The following TYK2 variants were observed in gnomAD, a reference collection of about 807,000 sequenced individuals.
TYK2 encodes non-receptor tyrosine-protein kinase TYK2.
A neutral mutation model predicts 130.9 loss-of-function variants in TYK2; 65 were observed. That is an observed-to-expected ratio of 0.50 (90% CI 0.41 to 0.61). The LOEUF (loss-of-function observed/expected upper bound fraction) is 0.61. TYK2 is among the 20% of genes least tolerant of loss of function. The pLI is 0.00. For missense variants in TYK2, 1,378 were observed against 1,610.7 expected (o/e 0.86, Z 2.47); for synonymous variants, 647 against 658.9 (o/e 0.98, Z 0.28).
rs753407156 is a variant in TYK2 at position 10,378,348 on chromosome 19, T to G, written c.59A>C (p.Gln20Pro). Reference sequence around the variant, plus strand: ...CAGGCCTCCCATGGCAGCCATGGGCTGGGCTCCATCCCCAACGGGCTTACT... The same window carrying G: ...CAGGCCTCCCATGGCAGCCATGGGCGGGGCTCCATCCCCAACGGGCTTACT... Reference protein sequence around the residue: ...RGSKPVGDGAQPMAAMGGLKV... With the variant: ...RGSKPVGDGAPPMAAMGGLKV... The change falls in exon 3 of 25, where the codon CAG (glutamine) becomes CCG (proline). Residue 20 changes from glutamine to proline, a missense_variant. Gln to Pro is a moderately conservative substitution (Grantham distance 76). Transcript: ENST00000525621. 5.0e-6 allele frequency: 8 copies of G among 1,612,426 alleles called. No individual in the cohort carries two copies. The East Asian group carries it at 1.8e-4, about 36-fold the overall frequency.
At position 10,353,453 on chromosome 19, in the gene TYK2, G is replaced by A; in HGVS notation, c.3027+75C>T. 1 of 1,064,592 alleles carries A rather than the reference G, an allele frequency of 9.4e-7. No homozygotes were observed. The highest frequency in any genetic ancestry group is 1.3e-6 in the Non-Finnish European group (1 of 758,968). The allele number at this position is 1,064,592 out of a possible 1,614,324, so 65.9% of individuals were successfully genotyped here. ...CAGGGGCGGAGCGTGAGAGCAGACTGCACCGGATCGCTCAGGCCAGCCCAA... is the reference window on the plus strand; with the variant it reads ...CAGGGGCGGAGCGTGAGAGCAGACTACACCGGATCGCTCAGGCCAGCCCAA... On this transcript the variant is annotated intron_variant, in intron 21 of 24. Transcript: ENST00000525621. This position sits in a 1 kb window ranked among gnomAD's most constrained non-coding sequence, Gnocchi z 6.9.
rs55762744 is a variant in TYK2 at position 10,378,250 on chromosome 19, C to T, written c.157G>A (p.Ala53Thr). 14,980 of 1,612,958 alleles carry T rather than the reference C, an allele frequency of 9.3e-3. 95 individuals are homozygous for T. The highest frequency in any genetic ancestry group is 0.012 in the Middle Eastern group (73 of 6,060). ...WVTFSESSLT[A>T]EEVCIHIAHK... is the part of the protein sequence containing the mutation. ...GCAATGTGGATGCAGACTTCCTCAG[C>T]TGTCAGCGATGACTCACTGAAAGTG... Residue 53 changes from alanine to threonine, a missense_variant, in exon 3 of 25, where the codon GCT becomes ACT. Transcript: ENST00000525621.
At chr19:10,359,502 AG>A (rs1379164034) in intron 14 of TYK2, among the ~76,000 whole-genome samples, 200 bp from the exon 15 acceptor site, 16 of 152,266 alleles carry the variant, frequency 1.1e-4, no homozygotes, top group African/African-American at 3.8e-4. Flanking sequence ...GCGGTGGATG[AG>A]GGCATTGGGG....
chr19:10,378,366 G>A lies in TYK2; in HGVS notation c.41C>T (p.Pro14Leu). 1 of 1,612,198 alleles carries A rather than the reference G, an allele frequency of 6.2e-7. No homozygotes were observed. Among genetic ancestry groups the A allele is most frequent in the South Asian group, 1.1e-5 (1 of 91,076 alleles). Residue 14 changes from proline to leucine, a missense_variant, in exon 3 of 25, where the codon CCC (proline) becomes CTC (leucine). Pro to Leu is a moderately conservative substitution (Grantham distance 98). Coordinates refer to ENST00000525621, the MANE Select transcript of TYK2 (RefSeq NM_003331.5). ...RHWGMARGSK[P>L]VGDGAQPMAA... is the part of the protein sequence containing the mutation. ...CATGGGCTGGGCTCCATCCCCAACG[G>A]GCTTACTGCCCCTGGCCATCCCCCA...
intron 18 of TYK2, 111 bp downstream of exon 18, chr19:10,356,457 G>T: frequency 7.2e-7 from 1 of 1,380,068 alleles, no homozygotes; most frequent in Non-Finnish European, 1.0e-6. Flanking sequence ...GCAAGAAATT[G>T]GCACACACCC....
intron 15 of TYK2, 75 bp downstream of exon 15, chr19:10,359,100 T>C (rs2041260217): frequency 1.9e-6 from 3 of 1,572,718 alleles, no homozygotes; most frequent in Non-Finnish European, 2.6e-6. Context: ...CTCGCCCTGT[T>C]GCCCAGGCTG....
At position 10,365,657 on chromosome 19, in the gene TYK2, A is replaced by G. The variant is rs373767400; in HGVS notation, c.871T>C (p.Cys291Arg). Residue 291 changes from cysteine to arginine, a missense_variant, in exon 7 of 25, where the codon TGC (cysteine) becomes CGC (arginine). Coordinates refer to ENST00000525621, the MANE Select transcript of TYK2 (RefSeq NM_003331.5). ...RLLAQAEGEPCYIRDSGVAPT... is the reference protein window; with the variant it reads ...RLLAQAEGEPRYIRDSGVAPT... Reference sequence around the variant, plus strand: ...GCCACCCCACTGTCCCGGATGTAGCAGGGCTCCCCCTCGGCCTGGGCCAGC... The same window carrying G: ...GCCACCCCACTGTCCCGGATGTAGCGGGGCTCCCCCTCGGCCTGGGCCAGC... 7 of 1,613,486 alleles carry G rather than the reference A, an allele frequency of 4.3e-6. No homozygotes were observed. The African/African-American group carries it at 9.3e-5, about 22-fold the overall frequency.
At chr19:10,358,182 C>G (rs1055639383) in intron 15 of TYK2, 44 bp from the exon 16 acceptor site, 2 of 1,566,412 alleles carry the variant, frequency 1.3e-6, no homozygotes, top group African/African-American at 1.4e-5. Flanking sequence ...AGGAGAGGCA[C>G]AGACGCCAAC....
In TYK2 at chr19:10,354,152, T is replaced by C. The variant is rs1259025854; in HGVS notation, c.2798A>G (p.Lys933Arg). 1 of 1,613,902 alleles carries C rather than the reference T, an allele frequency of 6.2e-7. No homozygotes were observed. Among genetic ancestry groups the C allele is most frequent in the Non-Finnish European group, 8.5e-7 (1 of 1,180,026 alleles). ...TGEMVAVKAL[K>R]ADCGPQHRSG... ...GCGGTGCTGGGGGCCGCAGTCTGCC[T>C]TGAGGGCTTTCACCGCCACCATCTC... Residue 933 changes from lysine (K) to arginine (R), a missense_variant, in exon 20 of 25, where the codon AAG becomes AGG. Physicochemically the swap from Lys to Arg is conservative, Grantham distance 26. Coordinates refer to ENST00000525621, the MANE Select transcript of TYK2 (RefSeq NM_003331.5).
In TYK2 at chr19:10,362,193, C is replaced by T. The variant is rs1421486314; in HGVS notation, c.1670-12G>A. On this transcript the variant is annotated splice_polypyrimidine_tract_variant and intron_variant, in intron 11 of 24. Coordinates refer to ENST00000525621, the MANE Select transcript of TYK2 (RefSeq NM_003331.5). Reference sequence around the variant, plus strand: ...GAGATTGGAGGTTTCTGGGGGCAGGCATCAAGTCATGGAGGGCGGGCCTGG... The same window carrying T: ...GAGATTGGAGGTTTCTGGGGGCAGGTATCAAGTCATGGAGGGCGGGCCTGG... 2 of 1,613,896 alleles carry T rather than the reference C, an allele frequency of 1.2e-6. No homozygotes were observed. The highest frequency in any genetic ancestry group is 3.3e-5 in the Admixed American group (2 of 59,992).
At chr19:10,371,649 G>A (rs2041911469) in intron 3 of TYK2, among the ~76,000 whole-genome samples, 1 of 151,720 alleles carries the variant, frequency 6.6e-6, no homozygotes, top group Non-Finnish European at 1.5e-5. Context: ...AAAAAAAAAA[G>A]TTATGAACTG....
intron 3 of TYK2, among the ~76,000 whole-genome samples, chr19:10,372,698 C>G (rs980431855): frequency 1.3e-5 from 2 of 149,778 alleles, no homozygotes; most frequent in Non-Finnish European, 3.0e-5. Context: ...GCGATGTTGC[C>G]CAGGCTGATC....
chr19:10,377,913 A>AATGGGTGG (rs1430659699), intron 3 of TYK2, among the ~76,000 whole-genome samples: 1 of 12,976 alleles, frequency 7.7e-5, no homozygotes, highest in African/African-American at 3.8e-4. Context: ...TGGGTGGATG[A>AATGGGTGG]ATGGGTGGAT....
chr19:10,359,071 C>T, intron 15 of TYK2, 104 bp downstream of exon 15: 1 of 1,488,696 alleles, frequency 6.7e-7, no homozygotes, highest in Non-Finnish European at 9.1e-7. Flanking sequence ...TAAAACAAAA[C>T]AAACAAAAAA....
Position 10,353,624 on chromosome 19 carries a change from G to T in TYK2, c.2931C>A (p.Val977=). 6.8e-7 allele frequency: 1 copy of T among 1,476,430 alleles called. No homozygotes were observed. The allele number at this position is 1,476,430 out of a possible 1,614,324, so 91.5% of individuals were successfully genotyped here. The change falls in exon 21 of 25, where the codon GTC becomes GTA. Residue 977 remains valine (V), a synonymous_variant. Coordinates refer to ENST00000525621, the MANE Select transcript of TYK2 (RefSeq NM_003331.5). This position sits in a 1 kb window ranked among gnomAD's most constrained non-coding sequence, Gnocchi z 6.9. ...GGCTGCCCAGGGGCACGTACTCCATGACCAGCTGCAGCGACTTCTCGCCTG... is the reference window on the plus strand; with the variant it reads ...GGCTGCCCAGGGGCACGTACTCCATTACCAGCTGCAGCGACTTCTCGCCTG... The part of the protein sequence containing the change: ...EDQGEKSLQL[V]MEYVPLGSLR...
Position 10,361,485 on chromosome 19 carries a change from G to A in TYK2, c.2047+26C>T. 1 of 1,545,904 alleles carries A rather than the reference G, an allele frequency of 6.5e-7. No homozygotes were observed. The highest frequency in any genetic ancestry group is 8.7e-7 in the Non-Finnish European group (1 of 1,146,358). Reference sequence around the variant, plus strand: ...AAGTCAGGGGTGGCCTGCCAAAGGGGGATGGGTATGGCGGGACCCACTCAC... The same window carrying A: ...AAGTCAGGGGTGGCCTGCCAAAGGGAGATGGGTATGGCGGGACCCACTCAC... On this transcript the variant is annotated intron_variant, in intron 14 of 24. Transcript: ENST00000525621. The surrounding 1 kb of genome is among the most constrained non-coding windows in gnomAD (Gnocchi z 4.0).
intron 3 of TYK2, among the ~76,000 whole-genome samples, chr19:10,377,349 T>TGGAG (rs1288962519): frequency 1.3e-5 from 2 of 149,764 alleles, no homozygotes; most frequent in Non-Finnish European, 3.0e-5. Flanking sequence ...GATGGATGGA[T>TGGAG]GGATGGATGG....
chr19:10,350,591 C>T lies in TYK2; in HGVS notation c.*243G>A. 3.8e-6 allele frequency: 2 copies of T among 529,056 alleles called. No individual in the cohort carries two copies. Among genetic ancestry groups the T allele is most frequent in the South Asian group, 4.6e-5 (2 of 43,942 alleles). The allele number at this position is 529,056 out of a possible 1,614,324, so 32.8% of individuals were successfully genotyped here. A position where few individuals can be genotyped will look rare whatever the true frequency, so the allele number is the denominator to read the frequency against. On this transcript the variant is annotated 3_prime_UTR_variant, in exon 25 of 25. Transcript: ENST00000525621. ...AGATGGTGGGCCTCAAGTTTGGAAG[C>T]TGGGGGATTTAAGGGCTGGATTAGT...
At chr19:10,369,907 G>C (rs761978599) in intron 3 of TYK2, 13 of 345,068 alleles carry the variant, frequency 3.8e-5, no homozygotes, top group South Asian at 2.5e-4. Flanking sequence ...AGCCAGGCAT[G>C]GTGGCGGATG....
Sources: gnomAD v4.1 joint callset for allele counts (sites outside exome capture counted in the v4.1 genomes callset) on GRCh38, gnomAD v4.1.1 for gene constraint, Gnocchi (gnomAD v3.1) non-coding constraint, MANE v1.5 for transcripts, NCBI Gene and HGNC (gene_info 2026-07-23, HGNC 2026-07-21) for gene names.